TTC39C: variants seen among roughly 807,000 people sequenced by gnomAD.
TTC39C encodes the protein tetratricopeptide repeat protein 39C.
Under a neutral mutation model 76.3 loss-of-function variants are expected in TTC39C, and 33 were observed. The observed-to-expected ratio is 0.43, with a 90% CI of 0.33 to 0.58. TTC39C has a LOEUF of 0.58. Ranked by LOEUF, TTC39C falls within the 20% of genes least tolerant of loss-of-function variation. The pLI, the probability that TTC39C is intolerant of heterozygous loss-of-function variation, is 0.04. For synonymous variants in TTC39C, 254 were observed against 260.6 expected (o/e 0.97, Z 0.24); for missense variants, 595 against 701.4 (o/e 0.85, Z 1.71).
chr18:24,032,392 A>G (rs903935381), intron 1 of TTC39C, among the ~76,000 whole-genome samples: 3 of 151,642 alleles, frequency 2.0e-5, no homozygotes, highest in Admixed American at 6.6e-5. Flanking sequence ...GCCTTATCTC[A>G]TTTTTTTCAT....
intron 3 of TTC39C, among the ~76,000 whole-genome samples, chr18:24,066,867 C>T (rs1025889530): frequency 2.0e-5 from 3 of 152,184 alleles, no homozygotes; most frequent in African/African-American, 7.2e-5. Context: ...CCAGAGTTTT[C>T]CTAGCTTCCT....
At chr18:24,000,908 C>T (rs376039772) in intron 1 of TTC39C, among the ~76,000 whole-genome samples, 7 of 152,062 alleles carry the variant, frequency 4.6e-5, no homozygotes, top group African/African-American at 9.7e-5. Flanking sequence ...TTATTAATAA[C>T]GAAACCAAAG....
At chr18:24,122,523 A>AAAAG (rs2084982236) in intron 8 of TTC39C, among the ~76,000 whole-genome samples, 1 of 149,620 alleles carries the variant, frequency 6.7e-6, no homozygotes, top group African/African-American at 2.4e-5. Flanking sequence ...AAAAAAAAGA[A>AAAAG]GAGGGAACTA....
At chr18:24,091,053 C>T (rs1283699071) in intron 6 of TTC39C, among the ~76,000 whole-genome samples, 5 of 152,142 alleles carry the variant, frequency 3.3e-5, no homozygotes, top group African/African-American at 9.6e-5. Flanking sequence ...GTTCTCTGTC[C>T]GCCTCGGCCT....
chr18:24,118,260 CCT>C (rs1234581437), intron 8 of TTC39C, 28 bp downstream of exon 8: 5 of 1,574,654 alleles, frequency 3.2e-6, no homozygotes, highest in Non-Finnish European at 4.3e-6. Context: ...CCTCAGTGTG[CCT>C]CTCTCTGTCG....
chr18:24,045,636 A>G (rs1314447756), intron 1 of TTC39C, among the ~76,000 whole-genome samples: 2 of 152,032 alleles, frequency 1.3e-5, no homozygotes, highest in Admixed American at 1.3e-4. Context: ...TGGCATACAC[A>G]GGTGCTCAAA....
chr18:24,119,098 G>A (rs1203200429), intron 8 of TTC39C, among the ~76,000 whole-genome samples: 6 of 140,054 alleles, frequency 4.3e-5, no homozygotes, highest in South Asian at 4.8e-4. Context: ...ATTGCATATC[G>A]TTATTAACAC....
chr18:24,068,733 GC>G, intron 3 of TTC39C, among the ~76,000 whole-genome samples: 1 of 152,264 alleles, frequency 6.6e-6, no homozygotes, highest in Middle Eastern at 3.4e-3. Flanking sequence ...CGAAAAGAAT[GC>G]CCCTAATGTT....
chr18:24,083,133 C>A, intron 6 of TTC39C, 52 bp downstream of exon 6: 1 of 1,528,728 alleles, frequency 6.5e-7, no homozygotes, highest in South Asian at 1.3e-5. Flanking sequence ...GATCAAATCT[C>A]TGATTCTCAC....
chr18:24,075,689 A>AC (rs200546780), intron 4 of TTC39C, among the ~76,000 whole-genome samples: 3,204 of 150,924 alleles, frequency 0.021, 133 homozygotes, highest in African/African-American at 0.069. Context: ...TGTCTCAAAA[A>AC]AAAAAAAAAA....
chr18:24,122,184 C>A (rs774402958), intron 8 of TTC39C, among the ~76,000 whole-genome samples: 2 of 152,040 alleles, frequency 1.3e-5, no homozygotes, highest in Non-Finnish European at 2.9e-5. Context: ...TGCCCAAATG[C>A]GAGTACGGGA....
chr18:24,099,036 T>G (rs1369438310), intron 6 of TTC39C, among the ~76,000 whole-genome samples: 1 of 126,916 alleles, frequency 7.9e-6, no homozygotes, highest in East Asian at 3.2e-4. Context: ...TGTGTGTGTG[T>G]ATATATATAT....
chr18:24,068,620 C>A (rs930317472), intron 3 of TTC39C, among the ~76,000 whole-genome samples: 7 of 152,112 alleles, frequency 4.6e-5, no homozygotes, highest in Non-Finnish European at 8.8e-5. Context: ...ACTTATATTT[C>A]AAGTAGTTTG....
At position 24,127,636 on chromosome 18, in the gene TTC39C, C is replaced by T. The variant is rs140812635; in HGVS notation, c.1421-1250C>T. On this transcript the variant is annotated intron_variant, in intron 10 of 13. Coordinates refer to ENST00000317571, the MANE Select transcript of TTC39C (RefSeq NM_001135993.2). The stretch of plus-strand genomic sequence containing the variant: ...GGCTCAAGCGATCCTCCAACCTCAG[C>T]CTCCTGAGTAGCTGGGACTACAGGG... Among the ~76,000 whole-genome samples, 1,302 of 152,220 alleles carry T rather than the reference C, an allele frequency of 8.6e-3. 8 individuals carry two copies. Among genetic ancestry groups the T allele is most frequent in the South Asian group, 0.027 (131 of 4,824 alleles).
At chr18:23,996,126 C>A (rs927007347) in intron 1 of TTC39C, among the ~76,000 whole-genome samples, 2 of 152,214 alleles carry the variant, frequency 1.3e-5, no homozygotes, top group African/African-American at 4.8e-5. Flanking sequence ...AGTGGAACTT[C>A]ATTGGGGTTT....
chr18:24,098,546 C>T (rs139184851), intron 6 of TTC39C, among the ~76,000 whole-genome samples: 30 of 69,224 alleles, frequency 4.3e-4, no homozygotes, highest in Non-Finnish European at 6.4e-4. Flanking sequence ...CCCTCCCCTC[C>T]CCTCTCCTCT....
intron 6 of TTC39C, among the ~76,000 whole-genome samples, chr18:24,104,996 T>C (rs900369929): frequency 6.6e-5 from 10 of 151,896 alleles, no homozygotes; most frequent in African/African-American, 2.4e-4. Context: ...GATCAAAAGA[T>C]TGATAGAATT....
chr18:24,045,914 TATATATATA>T (rs1433966885), intron 1 of TTC39C, among the ~76,000 whole-genome samples: 27 of 31,060 alleles, frequency 8.7e-4, no homozygotes, highest in East Asian at 5.1e-3. Flanking sequence ...TATATATATA[TATATATATA>T]TATATTTTTT....
chr18:24,113,832 G>T (rs2084851834), intron 6 of TTC39C: 1 of 626,560 alleles, frequency 1.6e-6, no homozygotes, highest in Non-Finnish European at 2.9e-6. Context: ...GGAGTAAGTA[G>T]AGCGGACATT....
Sources: allele counts gnomAD v4.1 joint callset (sites outside exome capture counted in the v4.1 genomes callset), GRCh38; gene constraint gnomAD v4.1.1; transcripts MANE v1.5; gene names NCBI Gene and HGNC (gene_info 2026-07-23, HGNC 2026-07-21).